The following LAMA5 variants were observed in gnomAD, a reference collection of about 807,000 sequenced individuals.
LAMA5 encodes laminin subunit alpha 5.
A neutral mutation model predicts 433.4 loss-of-function variants in LAMA5; 260 were observed. That is an observed-to-expected ratio of 0.60 (90% CI 0.54 to 0.66). LAMA5 has a LOEUF of 0.66. LAMA5 is among the 30% of genes least tolerant of loss of function. LAMA5 has a pLI of 0.00. For synonymous variants in LAMA5, 2,620 were observed against 2,226.6 expected (o/e 1.18, Z -4.97); for missense variants, 5,378 against 5,258.5 (o/e 1.02, Z -0.70).
At position 62,314,697 on chromosome 20, in the gene LAMA5, C is replaced by T. The variant is rs768965589; in HGVS notation, c.8225G>A (p.Arg2742His). 1.1e-5 allele frequency: 17 copies of T among 1,612,462 alleles called. No individual in the cohort carries two copies. Among genetic ancestry groups the T allele is most frequent in the African/African-American group, 2.7e-5 (2 of 74,892 alleles). Residue 2742 changes from arginine (R) to histidine (H), a missense_variant, in exon 61 of 80, where the codon CGC becomes CAC. Arg to His is a conservative substitution (Grantham distance 29). Transcript: ENST00000252999. ...KVKVPMKFNGRSGVQLRTPRD... is the reference protein window; with the variant it reads ...KVKVPMKFNGHSGVQLRTPRD... ...TGGGGTGCGCAGCTGCACCCCTGAG[C>T]GCCCGTTGAACTTCATGGGCACCTT... is the stretch of plus-strand genomic sequence containing the variant.
At chr20:62,336,889 G>T in intron 16 of LAMA5, 103 bp from the exon 17 acceptor site, 1 of 1,157,898 alleles carries the variant, frequency 8.6e-7, no homozygotes. Flanking sequence ...AGGAGCTGAG[G>T]ACCAGCACAG....
Position 62,310,093 on chromosome 20 carries a change from G to A in LAMA5, c.10735-12C>T, listed in dbSNP as rs200349529. 4.5e-5 allele frequency: 72 copies of A among 1,610,778 alleles called. No homozygotes were observed. Among genetic ancestry groups the A allele is most frequent in the South Asian group, 8.8e-5 (8 of 91,058 alleles). The stretch of plus-strand genomic sequence containing the variant: ...GCCCGCAGCAGGACCTGGCGGGGTA[G>A]GAAGGGAGGGTCAGGCTATGCCCCC... On this transcript the variant is annotated splice_polypyrimidine_tract_variant and intron_variant, in intron 77 of 79. Transcript: ENST00000252999.
chr20:62,315,160 C>T lies in LAMA5; in HGVS notation c.7915G>A (p.Ala2639Thr). 1 of 1,610,972 alleles carries T rather than the reference C, an allele frequency of 6.2e-7. No homozygotes were observed. The highest frequency in any genetic ancestry group is 8.5e-7 in the Non-Finnish European group (1 of 1,179,674). Residue 2639 changes from alanine to threonine, a missense_variant, in exon 59 of 80, where the codon GCC becomes ACC. Transcript: ENST00000252999. Reference sequence around the variant, plus strand: ...TGCACACGGGTGGCGGTGTCCTGGGCTTCAGCAGCCACAGCCTTGGCATGT... The same window carrying T: ...TGCACACGGGTGGCGGTGTCCTGGGTTTCAGCAGCCACAGCCTTGGCATGT... ...IAHAKAVAAE[A>T]QDTATRVQSQ... is the part of the protein sequence containing the mutation.
At position 62,316,653 on chromosome 20, in the gene LAMA5, T is replaced by A. The variant is rs767641431; in HGVS notation, c.7756+18A>T. 4 of 1,532,022 alleles carry A rather than the reference T, an allele frequency of 2.6e-6. No homozygotes were observed. The East Asian group carries it at 9.3e-5, about 36-fold the overall frequency. The allele number at this position is 1,532,022 out of a possible 1,614,324, so 94.9% of individuals were successfully genotyped here. Reference sequence around the variant, plus strand: ...TGCCCAGCAGGCCTAAGGGCCCCCATCGGAGCCCAGCACTCACCAAGGCCC... The same window carrying A: ...TGCCCAGCAGGCCTAAGGGCCCCCAACGGAGCCCAGCACTCACCAAGGCCC... On this transcript the variant is annotated intron_variant, in intron 57 of 79. Transcript: ENST00000252999.
At chr20:62,350,329 G>A (rs745546401) in intron 6 of LAMA5, among the ~76,000 whole-genome samples, 3 of 152,124 alleles carry the variant, frequency 2.0e-5, no homozygotes, top group Non-Finnish European at 4.4e-5. Flanking sequence ...GCAGCAACAA[G>A]TGCCTGGGTG....
chr20:62,336,308 C>T, intron 18 of LAMA5, 32 bp downstream of exon 18: 1 of 1,468,328 alleles, frequency 6.8e-7, no homozygotes, highest in Non-Finnish European at 9.3e-7. Flanking sequence ...CCCAAGGAAC[C>T]CCTGTACCCC....
chr20:62,338,045 G>A lies in LAMA5; in HGVS notation c.1862C>T (p.Pro621Leu), dbSNP rs1348207865. 1 of 1,603,672 alleles carries A rather than the reference G, an allele frequency of 6.2e-7. No individual in the cohort carries two copies. Among genetic ancestry groups the A allele is most frequent in the Admixed American group, 1.7e-5 (1 of 59,376 alleles). ...FAGPHCDRCR[P>L]GYHGFPNCQA... is the part of the protein sequence containing the mutation. ...GCAGTTGGGGAAACCATGGTAGCCA[G>A]GGCGGCACCGGTCACAATGAGGTCC... Residue 621 changes from proline (P) to leucine (L), a missense_variant, in exon 14 of 80, where the codon CCT (proline) becomes CTT (leucine). Transcript: ENST00000252999.
Position 62,317,041 on chromosome 20 carries a change from G to A in LAMA5, c.7512-18C>T. On this transcript the variant is annotated intron_variant, in intron 55 of 79. Coordinates refer to ENST00000252999, the MANE Select transcript of LAMA5 (RefSeq NM_005560.6). Reference sequence around the variant, plus strand: ...GGATGATGCTGCAGCGGAAGGGAGGGTCGAAGGAGTGGGTAAGCGCAGACG... The same window carrying A: ...GGATGATGCTGCAGCGGAAGGGAGGATCGAAGGAGTGGGTAAGCGCAGACG... 1.3e-6 allele frequency: 2 copies of A among 1,515,608 alleles called. No homozygotes were observed. The highest frequency in any genetic ancestry group is 2.0e-4 in the Middle Eastern group (1 of 4,936). 93.9% of individuals were successfully genotyped at this position (1,515,608 alleles called of 1,614,324 possible). A position where few individuals can be genotyped will look rare whatever the true frequency, so the allele number is the denominator to read the frequency against.
In LAMA5 at chr20:62,313,398, C is replaced by T. The variant is rs1386521558; in HGVS notation, c.8721G>A (p.Glu2907=). The change falls in exon 64 of 80, where the codon GAG becomes GAA. Residue 2907 remains glutamate, a synonymous_variant. Coordinates refer to ENST00000252999, the MANE Select transcript of LAMA5 (RefSeq NM_005560.6). ...CGAAGTTGTAGAGGCTGACCACCTC[C>T]TCATTCAGCGTGTCCATCTCGATGC... The part of the protein sequence containing the change: ...RGCIEMDTLN[E]EVVSLYNFER... The T allele has an allele frequency of 6.2e-7, 1 of 1,608,310 alleles. No individual in the cohort carries two copies. The highest frequency in any genetic ancestry group is 1.1e-5 in the South Asian group (1 of 90,136).
rs1470693598 is a variant in LAMA5, at chr20:62,338,262, G to A, written c.1726C>T (p.Pro576Ser). The change falls in exon 13 of 80, where the codon CCC (proline) becomes TCC (serine). Residue 576 changes from proline to serine, a missense_variant. Pro to Ser is a moderately conservative substitution (Grantham distance 74). Transcript: ENST00000252999. ...FEGATCDRCA[P>S]GYFHFPLCQL... ...CAGAGAGGGAAGTGAAAGTAGCCGG[G>A]GGCACAGCGATCACATGTGGCCCCC... 6.2e-7 allele frequency: 1 copy of A among 1,600,632 alleles called. No individual in the cohort carries two copies. Among genetic ancestry groups the A allele is most frequent in the African/African-American group, 1.3e-5 (1 of 74,712 alleles).
intron 40 of LAMA5, 166 bp downstream of exon 40, chr20:62,326,511 A>AT: frequency 1.7e-6 from 1 of 599,892 alleles, no homozygotes; most frequent in Middle Eastern, 4.5e-4. Flanking sequence ...AGCACAGAAG[A>AT]TATCTGACAA....
intron 3 of LAMA5, 32 bp from the exon 4 acceptor site, chr20:62,352,392 G>A (rs1215760233): frequency 2.6e-6 from 4 of 1,551,854 alleles, no homozygotes; most frequent in Non-Finnish European, 3.5e-6. Flanking sequence ...GAGGGCGCTG[G>A]ATCACCAGAA....
rs116292874 is a variant in LAMA5 at position 62,316,211 on chromosome 20, G to A, written c.7757-153C>T. 1,399 of 627,122 alleles carry A rather than the reference G, an allele frequency of 2.2e-3. 9 individuals carry two copies. The African/African-American group carries it at 0.023, about 10-fold the overall frequency. 38.8% of individuals were successfully genotyped at this position (627,122 alleles called of 1,614,324 possible). On this transcript the variant is annotated intron_variant, in intron 57 of 79. Coordinates refer to ENST00000252999, the MANE Select transcript of LAMA5 (RefSeq NM_005560.6). ...AGACATGGAGTCCCTTAGCCTGTGG[G>A]GAGGTGTTGAGTCTCAGCGTAGCCT... is the stretch of plus-strand genomic sequence containing the variant.
rs995309427 is a variant in LAMA5, at chr20:62,315,944, A to G, written c.7867+4T>C. The G allele has an allele frequency of 3.1e-6, 5 of 1,591,324 alleles. No individual in the cohort carries two copies. Among genetic ancestry groups the G allele is most frequent in the Non-Finnish European group, 1.7e-6 (2 of 1,172,166 alleles). ...TGCGAGAGCCGGGCCCAGGCTCCGC[A>G]TACCTGTGTCCATGGCAAGCATGGC... On this transcript the variant is annotated splice_donor_region_variant and intron_variant, in intron 58 of 79. Transcript: ENST00000252999.
chr20:62,319,153 TAG>T, intron 51 of LAMA5, 140 bp from the exon 52 acceptor site: 4 of 869,500 alleles, frequency 4.6e-6, no homozygotes, highest in Non-Finnish European at 5.1e-6. Context: ...GGGTGGCCCC[TAG>T]AGCACCTGGC....
intron 1 of LAMA5, among the ~76,000 whole-genome samples, chr20:62,364,643 C>G (rs952918447): frequency 1.3e-5 from 2 of 152,234 alleles, no homozygotes; most frequent in African/African-American, 4.8e-5. Context: ...ACCATGCTGG[C>G]CTGGCTGCCC....
At position 62,337,602 on chromosome 20, in the gene LAMA5, G is replaced by A. The variant is rs1981882566; in HGVS notation, c.2152C>T (p.Pro718Ser). Residue 718 changes from proline to serine, a missense_variant, in exon 16 of 80, where the codon CCC (proline) becomes TCC (serine). Physicochemically the swap from Pro to Ser is moderately conservative, Grantham distance 74 (BLOSUM62 -1). Transcript: ENST00000252999. Reference protein sequence around the residue: ...DTCVPGAYNFPYCEAGSCHPA... With the variant: ...DTCVPGAYNFSYCEAGSCHPA... ...CCTGCCTGCTCACCTTCGCAGTAGGGGAAGTTGTAGGCACCGGGCACACAT... is the reference window on the plus strand; with the variant it reads ...CCTGCCTGCTCACCTTCGCAGTAGGAGAAGTTGTAGGCACCGGGCACACAT... 1 of 1,608,760 alleles carries A rather than the reference G, an allele frequency of 6.2e-7. No homozygotes were observed. The highest frequency in any genetic ancestry group is 8.5e-7 in the Non-Finnish European group (1 of 1,178,272).
Position 62,309,300 on chromosome 20 carries a change from G to A in LAMA5, c.*36C>T. 6.3e-7 allele frequency: 1 copy of A among 1,584,894 alleles called. No homozygotes were observed. The highest frequency in any genetic ancestry group is 8.5e-7 in the Non-Finnish European group (1 of 1,173,072). ...GCACAAGGGGCGGTGTGAGGCAGCT[G>A]CAGGGGCCTGACCAGGGGCCGGGGT... On this transcript the variant is annotated 3_prime_UTR_variant, in exon 80 of 80. Transcript: ENST00000252999.
chr20:62,339,776 T>C (rs1008501821), intron 11 of LAMA5, among the ~76,000 whole-genome samples: 1 of 151,862 alleles, frequency 6.6e-6, no homozygotes, highest in Non-Finnish European at 1.5e-5. Flanking sequence ...CTCTAACTTG[T>C]GAAAGTCAGG....
Sources: gnomAD v4.1 joint callset for allele counts (sites outside exome capture counted in the v4.1 genomes callset) on GRCh38, gnomAD v4.1.1 for gene constraint, MANE v1.5 for transcripts, NCBI Gene and HGNC (gene_info 2026-07-23, HGNC 2026-07-21) for gene names.